Variants in DOCK1 observed in about 807,000 individuals in gnomAD.
DOCK1 encodes the protein dedicator of cytokinesis 1, also known as dedicator of cytokinesis protein 1.
A neutral mutation model predicts 262.7 loss-of-function variants in DOCK1; 138 were observed. The observed-to-expected ratio is 0.53, with a 90% CI of 0.46 to 0.61. DOCK1 has a LOEUF of 0.61. Ranked by LOEUF, DOCK1 falls within the 20% of genes least tolerant of loss-of-function variation. The pLI, the probability that DOCK1 is intolerant of heterozygous loss-of-function variation, is 0.00. For missense variants in DOCK1, 1,908 were observed against 2,370.7 expected (o/e 0.80, Z 4.05); for synonymous variants, 866 against 867.4 (o/e 1.00, Z 0.03).
At chr10:127,387,850 AAC>A (rs2066219828) in intron 38 of DOCK1, among the ~76,000 whole-genome samples, 2 of 117,246 alleles carry the variant, frequency 1.7e-5, no homozygotes, top group South Asian at 3.1e-4. Context: ...TAAATCAAAA[AAC>A]AGAGTCTTTT....
In DOCK1 at chr10:127,398,560, A is replaced by T. The variant is rs537793543; in HGVS notation, c.3928-4495A>T. ...GCACCAGTGATTTTAATCCATTTTGATGTCAGAGACCTGTGTGGGACTCTG... is the reference window on the plus strand; with the variant it reads ...GCACCAGTGATTTTAATCCATTTTGTTGTCAGAGACCTGTGTGGGACTCTG... On this transcript the variant is annotated intron_variant, in intron 38 of 51. Transcript: ENST00000623213. Among the ~76,000 whole-genome samples the T allele has an allele frequency of 9.2e-5, 14 of 152,308 alleles. 1 individual carries two copies. The highest frequency in any genetic ancestry group is 9.1e-4 in the Admixed American group (14 of 15,304).
chr10:127,153,938 C>T, intron 27 of DOCK1: 1 of 1,608,886 alleles, frequency 6.2e-7, no homozygotes, highest in Non-Finnish European at 8.5e-7. Flanking sequence ...AAGATAAGAA[C>T]AGGAGAGCAT....
chr10:127,202,638 G>A (rs891544883), intron 27 of DOCK1, among the ~76,000 whole-genome samples: 2 of 152,160 alleles, frequency 1.3e-5, no homozygotes, highest in Non-Finnish European at 2.9e-5. Flanking sequence ...CCTTCCCCAA[G>A]CCCTGACTGA....
At chr10:127,040,279 T>C (rs556355785) in intron 19 of DOCK1, among the ~76,000 whole-genome samples, 18 of 152,352 alleles carry the variant, frequency 1.2e-4, no homozygotes, top group African/African-American at 4.3e-4. Context: ...TAGGAGTTGA[T>C]TAATCCCTTG....
At chr10:127,026,247 C>T in intron 15 of DOCK1, 105 bp from the exon 16 acceptor site, 1 of 1,085,978 alleles carries the variant, frequency 9.2e-7, no homozygotes, top group Non-Finnish European at 1.4e-6. Context: ...TTCACCACTG[C>T]AGTTAGAAAT....
chr10:127,411,277 G>T (rs1038705798), intron 43 of DOCK1, among the ~76,000 whole-genome samples: 2 of 151,968 alleles, frequency 1.3e-5, no homozygotes, highest in African/African-American at 2.4e-5. Flanking sequence ...TGAGGTGCGG[G>T]GTGCTGACGT....
intron 32 of DOCK1, among the ~76,000 whole-genome samples, chr10:127,357,565 T>TC (rs1223273035): frequency 6.6e-6 from 1 of 152,074 alleles, no homozygotes; most frequent in Non-Finnish European, 1.5e-5. Context: ...GTGAGCAAGC[T>TC]CCCCCCTTCC....
intron 27 of DOCK1, among the ~76,000 whole-genome samples, chr10:127,221,497 G>T (rs1034914192): frequency 6.6e-6 from 1 of 152,188 alleles, no homozygotes; most frequent in African/African-American, 2.4e-5. Context: ...TTCACTCATG[G>T]TCAGCTCCAG....
At chr10:127,127,895 G>A (rs1479334586) in intron 27 of DOCK1, 131 bp downstream of exon 27, 3 of 632,450 alleles carry the variant, frequency 4.7e-6, no homozygotes, top group Non-Finnish European at 7.1e-6. Context: ...TATATAAAAT[G>A]TCCTCATTTT....
At chr10:127,096,924 G>A (rs2047942252) in intron 23 of DOCK1, among the ~76,000 whole-genome samples, 1 of 151,866 alleles carries the variant, frequency 6.6e-6, no homozygotes, top group East Asian at 1.9e-4. Flanking sequence ...GGCCAACATG[G>A]TGAAACCCCG....
chr10:127,344,591 G>C (rs997572054), intron 31 of DOCK1: 1 of 152,248 alleles, frequency 6.6e-6, no homozygotes, highest in Non-Finnish European at 1.5e-5. Flanking sequence ...GCTGAGGTTA[G>C]AGATTCCAGA....
chr10:127,194,891 G>C (rs2134149550), intron 27 of DOCK1, among the ~76,000 whole-genome samples: 1 of 118,608 alleles, frequency 8.4e-6, no homozygotes, highest in Admixed American at 9.2e-5. Context: ...AGCAGACAAG[G>C]TCAAAGTAAA....
intron 1 of DOCK1, among the ~76,000 whole-genome samples, chr10:126,925,893 G>T (rs1157163350): frequency 8.5e-6 from 1 of 117,780 alleles, no homozygotes; most frequent in Non-Finnish European, 1.8e-5. Context: ...GTTGGGTGGG[G>T]TTGGAGTGGG....
chr10:127,017,500 G>GACAC (rs139215919), intron 12 of DOCK1, among the ~76,000 whole-genome samples: 60,817 of 150,140 alleles, frequency 0.41, 12,539 homozygotes, highest in African/African-American at 0.48. Flanking sequence ...GATACACAGA[G>GACAC]ACACACACAG....
At chr10:127,299,705 A>T (rs2061619036) in intron 29 of DOCK1, among the ~76,000 whole-genome samples, 3 of 152,118 alleles carry the variant, frequency 2.0e-5, no homozygotes. Flanking sequence ...TGCCAGCCCC[A>T]GGAAACTGAC....
intron 23 of DOCK1, among the ~76,000 whole-genome samples, chr10:127,090,133 A>AT (rs1322640124): frequency 6.6e-6 from 1 of 151,648 alleles, no homozygotes; most frequent in African/African-American, 2.4e-5. Flanking sequence ...GCTTCCTGGG[A>AT]TTTTTTTTCC....
At chr10:127,256,926 C>T (rs1396395277) in intron 28 of DOCK1, among the ~76,000 whole-genome samples, 3 of 152,124 alleles carry the variant, frequency 2.0e-5, no homozygotes, top group Non-Finnish European at 2.9e-5. Context: ...AGTAGTATCC[C>T]GTATTCAATC....
At chr10:127,285,412 T>G (rs2135316625) in intron 29 of DOCK1, among the ~76,000 whole-genome samples, 1 of 152,352 alleles carries the variant, frequency 6.6e-6, no homozygotes, top group Non-Finnish European at 1.5e-5. Flanking sequence ...CAGTGAAAGA[T>G]GAGAAGTAAA....
At chr10:127,031,835 C>G in intron 17 of DOCK1, 82 bp downstream of exon 17, 1 of 1,249,952 alleles carries the variant, frequency 8.0e-7, no homozygotes, top group Non-Finnish European at 1.1e-6. Context: ...CCAACCTTTC[C>G]CATCATTGTG....
Sources: allele counts gnomAD v4.1 joint callset (sites outside exome capture counted in the v4.1 genomes callset), GRCh38; gene constraint gnomAD v4.1.1; transcripts MANE v1.5; gene names NCBI Gene and HGNC (gene_info 2026-07-23, HGNC 2026-07-21).